Variants in VAT1L observed in about 807,000 individuals in gnomAD.
The protein encoded by VAT1L is vesicle amine transport 1 like.
In VAT1L, 34 loss-of-function variants were observed where a neutral mutation model predicts 44.1. The ratio of observed to expected loss-of-function variants is 0.77; its 90% CI spans 0.59 to 1.03. The LOEUF is 1.03. VAT1L is among the 50% of genes least tolerant of loss of function. The pLI, the probability that VAT1L is intolerant of heterozygous loss-of-function variation, is 0.00. For missense variants in VAT1L, 615 were observed against 538.8 expected (o/e 1.14, Z -1.40); for synonymous variants, 253 against 202.2 (o/e 1.25, Z -2.13).
intron 1 of VAT1L, among the ~76,000 whole-genome samples, chr16:77,794,384 G>T (rs898076331): frequency 6.6e-6 from 1 of 152,172 alleles, no homozygotes; most frequent in Non-Finnish European, 1.5e-5. Flanking sequence ...GATCCATCTA[G>T]ATGGAGTTAC....
intron 7 of VAT1L, among the ~76,000 whole-genome samples, chr16:77,937,171 G>C (rs1030041218): frequency 6.6e-6 from 1 of 152,118 alleles, no homozygotes; most frequent in African/African-American, 2.4e-5. Flanking sequence ...GTGAGCCACC[G>C]CGTCCTGCCC....
intron 3 of VAT1L, among the ~76,000 whole-genome samples, chr16:77,825,849 T>C (rs1284494790): frequency 4.9e-5 from 4 of 81,834 alleles, no homozygotes; most frequent in African/African-American, 1.8e-4. Context: ...ACCCCGTCTC[T>C]ACTAAAAATA....
At chr16:77,886,142 G>A (rs544693677) in intron 7 of VAT1L, among the ~76,000 whole-genome samples, 4 of 152,248 alleles carry the variant, frequency 2.6e-5, no homozygotes, top group South Asian at 2.1e-4. Flanking sequence ...GATGCTCACC[G>A]TGATTCAATT....
chr16:77,855,033 C>T (rs2016843861), intron 3 of VAT1L, among the ~76,000 whole-genome samples: 2 of 152,056 alleles, frequency 1.3e-5, no homozygotes, highest in Admixed American at 6.6e-5. Flanking sequence ...TCATTAAGTC[C>T]AAGTTCCCAT....
At chr16:77,871,206 C>G (rs142617206) in intron 4 of VAT1L, among the ~76,000 whole-genome samples, 434 of 152,288 alleles carry the variant, frequency 2.8e-3, no homozygotes, top group Non-Finnish European at 4.8e-3. Context: ...ACTTCTCCCC[C>G]TCAGAATCCA....
intron 7 of VAT1L, among the ~76,000 whole-genome samples, chr16:77,947,396 G>T (rs935911891): frequency 3.9e-5 from 6 of 152,196 alleles, no homozygotes; most frequent in Admixed American, 3.3e-4. Context: ...AAGATCAAGT[G>T]GGTTTTAACA....
At chr16:77,844,568 C>G (rs2016740118) in intron 3 of VAT1L, among the ~76,000 whole-genome samples, 1 of 152,108 alleles carries the variant, frequency 6.6e-6, no homozygotes, top group Non-Finnish European at 1.5e-5. Flanking sequence ...ACCACCACGC[C>G]TGGCTACTTT....
At chr16:77,920,935 GT>G (rs2017605074) in intron 7 of VAT1L, among the ~76,000 whole-genome samples, 3 of 151,758 alleles carry the variant, frequency 2.0e-5, no homozygotes, top group African/African-American at 7.2e-5. Flanking sequence ...GACTGTGTGT[GT>G]GTGTGTGTGT....
intron 8 of VAT1L, among the ~76,000 whole-genome samples, chr16:77,973,543 A>T (rs561738421): frequency 6.6e-6 from 1 of 152,122 alleles, no homozygotes; most frequent in Admixed American, 6.6e-5. Flanking sequence ...TCAGCCTCCC[A>T]AAGTGTTGGG....
chr16:77,807,753 A>G (rs2016189695), intron 1 of VAT1L, among the ~76,000 whole-genome samples: 2 of 152,068 alleles, frequency 1.3e-5, no homozygotes, highest in South Asian at 2.1e-4. Flanking sequence ...ATACTGTCAC[A>G]TGCAATCCAC....
At chr16:77,846,119 C>G (rs566625184) in intron 3 of VAT1L, among the ~76,000 whole-genome samples, 7 of 152,234 alleles carry the variant, frequency 4.6e-5, no homozygotes, top group African/African-American at 1.4e-4. Flanking sequence ...CTTTGCCTAT[C>G]CTATGTAATG....
intron 3 of VAT1L, among the ~76,000 whole-genome samples, chr16:77,825,745 C>G (rs1004689383): frequency 2.0e-5 from 3 of 151,724 alleles, no homozygotes; most frequent in East Asian, 2.0e-4. Context: ...GGCCGGGCGC[C>G]GTGACTCACG....
At chr16:77,890,607 C>T (rs2017254449) in intron 7 of VAT1L, among the ~76,000 whole-genome samples, 1 of 152,134 alleles carries the variant, frequency 6.6e-6, no homozygotes, top group African/African-American at 2.4e-5. Flanking sequence ...GAGATCTCAA[C>T]AATTTTTTAA....
At chr16:77,957,225 T>C (rs1158297469) in intron 7 of VAT1L, among the ~76,000 whole-genome samples, 1 of 152,184 alleles carries the variant, frequency 6.6e-6, no homozygotes, top group Non-Finnish European at 1.5e-5. Context: ...TTTCCATGAA[T>C]TCTCATGTTT....
In VAT1L at chr16:77,789,441, C is replaced by G. The variant is rs538291453; in HGVS notation, c.233+526C>G. Among the ~76,000 whole-genome samples, 18 of 152,296 alleles carry G rather than the reference C, an allele frequency of 1.2e-4. No homozygotes were observed. The South Asian group carries it at 1.5e-3, about 12-fold the overall frequency. On this transcript the variant is annotated intron_variant, in intron 1 of 8. Transcript: ENST00000302536. ...GAGTGATTTGCCCAAGATCAGTCAGCTGCCACTAAGTGGCTTGGCCGGGAA... is the reference window on the plus strand; with the variant it reads ...GAGTGATTTGCCCAAGATCAGTCAGGTGCCACTAAGTGGCTTGGCCGGGAA...
intron 7 of VAT1L, among the ~76,000 whole-genome samples, chr16:77,966,713 C>T (rs1358136726): frequency 6.6e-6 from 1 of 152,124 alleles, no homozygotes; most frequent in Non-Finnish European, 1.5e-5. Context: ...TAATAAATGT[C>T]AACAACTCTT....
At chr16:77,827,577 A>C (rs910547965) in intron 3 of VAT1L, among the ~76,000 whole-genome samples, 1 of 152,250 alleles carries the variant, frequency 6.6e-6, no homozygotes, top group African/African-American at 2.4e-5. Context: ...AGGGTTGGAA[A>C]ATAAGTCAAT....
chr16:77,856,922 C>G (rs2016864980), intron 3 of VAT1L, among the ~76,000 whole-genome samples: 1 of 152,188 alleles, frequency 6.6e-6, no homozygotes, highest in Non-Finnish European at 1.5e-5. Flanking sequence ...ACCTTGGGAA[C>G]TTTCCTTTTC....
intron 7 of VAT1L, among the ~76,000 whole-genome samples, chr16:77,969,971 G>A (rs2018261318): frequency 6.7e-6 from 1 of 148,698 alleles, no homozygotes; most frequent in South Asian, 2.1e-4. Flanking sequence ...TCAGCACTTA[G>A]GGGAGGCCAA....
Sources: allele counts gnomAD v4.1 joint callset (sites outside exome capture counted in the v4.1 genomes callset), GRCh38; gene constraint gnomAD v4.1.1; transcripts MANE v1.5; gene names NCBI Gene and HGNC (gene_info 2026-07-23, HGNC 2026-07-21).